B3GALNT1: variants seen among roughly 807,000 people sequenced by gnomAD.
The protein encoded by B3GALNT1 is beta-1,3-N-acetylgalactosaminyltransferase 1 (Globoside blood group), also known as UDP-GalNAc:beta-1,3-N-acetylgalactosaminyltransferase 1.
In B3GALNT1, 17 loss-of-function variants were observed where a neutral mutation model predicts 27.3. The observed-to-expected ratio is 0.62, with a 90% CI of 0.43 to 0.94. The LOEUF is 0.94. Among genes scored for constraint, B3GALNT1 ranks in the 40% least tolerant of loss-of-function variants. The pLI is 0.00. For synonymous variants in B3GALNT1, 141 were observed against 144.0 expected (o/e 0.98, Z 0.15); for missense variants, 347 against 390.0 (o/e 0.89, Z 0.93).
chr3:161,095,436 C>T (rs1197144607), intron 4 of B3GALNT1, among the ~76,000 whole-genome samples: 1 of 152,234 alleles, frequency 6.6e-6, no homozygotes, highest in African/African-American at 2.4e-5. Flanking sequence ...GTTTAGGGCA[C>T]AGGTGCATAC....
chr3:161,097,639 T>C (rs1205760216), intron 4 of B3GALNT1, among the ~76,000 whole-genome samples: 2 of 152,192 alleles, frequency 1.3e-5, no homozygotes, highest in Non-Finnish European at 2.9e-5. Flanking sequence ...CCTCTGCACA[T>C]GTGCTCCCCT....
rs1211082737 is a variant in B3GALNT1, at chr3:161,086,775, G to A, written c.-21C>T. The A allele has an allele frequency of 5.0e-6, 8 of 1,612,980 alleles. No individual in the cohort carries two copies. The highest frequency in any genetic ancestry group is 2.2e-5 in the East Asian group (1 of 44,872). Reference sequence around the variant, plus strand: ...GCCATCCACAGCAGCTCAGAAGCACGCGAGCCGAAGGTTCTGGAAGAGTTA... The same window carrying A: ...GCCATCCACAGCAGCTCAGAAGCACACGAGCCGAAGGTTCTGGAAGAGTTA... On this transcript the variant is annotated 5_prime_UTR_variant, in exon 5 of 5. Transcript: ENST00000320474.
chr3:161,085,724 A>G lies in B3GALNT1; in HGVS notation c.*35T>C. ...CTTTATTTAACACTTTCCACAAAGT[A>G]TCCTGTCCTTCTAGGCTTTTTGTAG... On this transcript the variant is annotated 3_prime_UTR_variant, in exon 5 of 5. Coordinates refer to ENST00000320474, the MANE Select transcript of B3GALNT1 (RefSeq NM_003781.4). 1 of 1,608,348 alleles carries G rather than the reference A, an allele frequency of 6.2e-7. No individual in the cohort carries two copies. Among genetic ancestry groups the G allele is most frequent in the South Asian group, 1.1e-5 (1 of 90,948 alleles).
chr3:161,089,323 T>C (rs1723677581), intron 4 of B3GALNT1, among the ~76,000 whole-genome samples: 1 of 151,460 alleles, frequency 6.6e-6, no homozygotes, highest in South Asian at 2.1e-4. Flanking sequence ...TCTAAAATGA[T>C]TCTTACTGTC....
intron 4 of B3GALNT1, among the ~76,000 whole-genome samples, chr3:161,099,834 C>T (rs1730252963): frequency 2.0e-5 from 3 of 151,958 alleles, no homozygotes. Context: ...ACACACACCC[C>T]TAATACACTC....
rs772514438 is a variant in B3GALNT1, at chr3:161,086,658, T to A, written c.97A>T (p.Met33Leu). 6.2e-7 allele frequency: 1 copy of A among 1,614,090 alleles called. No individual in the cohort carries two copies. The highest frequency in any genetic ancestry group is 8.5e-7 in the Non-Finnish European group (1 of 1,180,016). Residue 33 changes from methionine (M) to leucine (L), a missense_variant, in exon 5 of 5, where the codon ATG (methionine) becomes TTG (leucine). Physicochemically the swap from Met to Leu is conservative, Grantham distance 15. Coordinates refer to ENST00000320474, the MANE Select transcript of B3GALNT1 (RefSeq NM_003781.4). Reference protein sequence around the residue: ...LLLSLLSFFVMWYLSLPHYNV... With the variant: ...LLLSLLSFFVLWYLSLPHYNV... ...TAGTGGGGAAGGCTGAGGTACCACA[T>A]CACAAAGAAACTCAGGAGTGACAGC...
chr3:161,087,042 T>G (rs1722422225), intron 4 of B3GALNT1, among the ~76,000 whole-genome samples: 1 of 152,226 alleles, frequency 6.6e-6, no homozygotes, highest in African/African-American at 2.4e-5. Flanking sequence ...TATCCTACTC[T>G]ACCTAAATTA....
Position 161,086,007 on chromosome 3 carries a change from C to A in B3GALNT1, c.748G>T (p.Val250Leu), listed in dbSNP as rs1239571155. The change falls in exon 5 of 5, where the codon GTG becomes TTG. Residue 250 changes from valine (V) to leucine (L), a missense_variant. Physicochemically the swap from Val to Leu is conservative, Grantham distance 32. Transcript: ENST00000320474. ...CCCATCATTTCATAGATCCTTGGCACCAAATCTCTGGACATTATATAACCC... is the reference window on the plus strand; with the variant it reads ...CCCATCATTTCATAGATCCTTGGCAACAAATCTCTGGACATTATATAACCC... The part of the protein sequence containing the change: ...GLGYIMSRDL[V>L]PRIYEMMGHV... 1 of 1,586,070 alleles carries A rather than the reference C, an allele frequency of 6.3e-7. No homozygotes were observed.
chr3:161,099,347 G>A (rs1729938097), intron 4 of B3GALNT1, among the ~76,000 whole-genome samples: 1 of 152,180 alleles, frequency 6.6e-6, no homozygotes, highest in Non-Finnish European at 1.5e-5. Context: ...TAACAGGTGA[G>A]AAAAAGCTAA....
At chr3:161,094,763 T>C (rs1166006249) in intron 4 of B3GALNT1, among the ~76,000 whole-genome samples, 2 of 151,950 alleles carry the variant, frequency 1.3e-5, no homozygotes, top group Admixed American at 6.5e-5. Flanking sequence ...ACAATTATTT[T>C]GCACTGCAGA....
At chr3:161,102,417 C>G (rs1331286376) in intron 3 of B3GALNT1, among the ~76,000 whole-genome samples, 1 of 152,178 alleles carries the variant, frequency 6.6e-6, no homozygotes, top group Non-Finnish European at 1.5e-5. Context: ...TACAGATGTT[C>G]TGTGGCTTCA....
chr3:161,101,343 G>T, intron 3 of B3GALNT1, 110 bp from the exon 4 acceptor site: 1 of 520,232 alleles, frequency 1.9e-6, no homozygotes, highest in Non-Finnish European at 3.4e-6. Flanking sequence ...ACTGGAGGAA[G>T]AGTATCGGGG....
intron 4 of B3GALNT1, among the ~76,000 whole-genome samples, chr3:161,095,863 A>C (rs1410502727): frequency 6.6e-6 from 1 of 152,182 alleles, no homozygotes; most frequent in Non-Finnish European, 1.5e-5. Flanking sequence ...ACCTGCCTAA[A>C]GCCCCCCGAG....
At chr3:161,092,449 A>C (rs1725646047) in intron 4 of B3GALNT1, among the ~76,000 whole-genome samples, 1 of 152,134 alleles carries the variant, frequency 6.6e-6, no homozygotes, top group Non-Finnish European at 1.5e-5. Context: ...ATTTTTTTCT[A>C]ATGGGACTAC....
At chr3:161,093,534 C>A (rs1441551646) in intron 4 of B3GALNT1, among the ~76,000 whole-genome samples, 3 of 152,092 alleles carry the variant, frequency 2.0e-5, no homozygotes, top group Non-Finnish European at 4.4e-5. Context: ...GTTCTAAATC[C>A]CATGTCCCAG....
intron 4 of B3GALNT1, among the ~76,000 whole-genome samples, chr3:161,094,464 A>G (rs1441629494): frequency 6.6e-6 from 1 of 152,204 alleles, no homozygotes; most frequent in Non-Finnish European, 1.5e-5. Context: ...AAAACAGACA[A>G]ACAGAGATAC....
At position 161,086,656 on chromosome 3, in the gene B3GALNT1, C is replaced by T. The variant is rs1172251847; in HGVS notation, c.99G>A (p.Met33Ile). 3 of 1,614,162 alleles carry T rather than the reference C, an allele frequency of 1.9e-6. No individual in the cohort carries two copies. The South Asian group carries it at 3.3e-5, about 18-fold the overall frequency. The change falls in exon 5 of 5, where the codon ATG (methionine) becomes ATA (isoleucine). Residue 33 changes from methionine to isoleucine, a missense_variant. Met to Ile is a conservative substitution (Grantham distance 10, BLOSUM62 1). Coordinates refer to ENST00000320474, the MANE Select transcript of B3GALNT1 (RefSeq NM_003781.4). ...LLLSLLSFFV[M>I]WYLSLPHYNV... ...TGTAGTGGGGAAGGCTGAGGTACCA[C>T]ATCACAAAGAAACTCAGGAGTGACA... is the stretch of plus-strand genomic sequence containing the variant.
chr3:161,102,145 A>G (rs951656142), intron 3 of B3GALNT1, among the ~76,000 whole-genome samples: 1 of 152,218 alleles, frequency 6.6e-6, no homozygotes, highest in Non-Finnish European at 1.5e-5. Flanking sequence ...GCTTTTGCAT[A>G]GAAAGTGGTA....
rs187647195 is a variant in B3GALNT1 at position 161,099,988 on chromosome 3, T to G, written c.-35+1151A>C. Reference sequence around the variant, plus strand: ...AGGGTTTATCATCTCCCATAAGGATTGCATGACATGTGGCTGAAGGATCTG... The same window carrying G: ...AGGGTTTATCATCTCCCATAAGGATGGCATGACATGTGGCTGAAGGATCTG... On this transcript the variant is annotated intron_variant, in intron 4 of 4. Transcript: ENST00000320474. 4.3e-4 allele frequency among the ~76,000 whole-genome samples: 65 copies of G among 152,330 alleles called. 1 individual carries two copies. The South Asian group carries it at 0.012, about 27-fold the overall frequency.
Sources: allele counts gnomAD v4.1 joint callset (sites outside exome capture counted in the v4.1 genomes callset), GRCh38; gene constraint gnomAD v4.1.1; transcripts MANE v1.5; gene names NCBI Gene and HGNC (gene_info 2026-07-23, HGNC 2026-07-21).